ADGRB3: variants seen among roughly 807,000 people sequenced by gnomAD.
The protein encoded by ADGRB3 is adhesion G protein-coupled receptor B3, also known as brain-specific angiogenesis inhibitor 3.
Under a neutral mutation model 193.4 loss-of-function variants are expected in ADGRB3, and 37 were observed. The ratio of observed to expected loss-of-function variants is 0.19; its 90% confidence interval spans 0.15 to 0.25. The LOEUF (loss-of-function observed/expected upper bound fraction) is 0.25. Ranked by LOEUF, ADGRB3 falls within the 10% of genes least tolerant of loss-of-function variation. The probability of loss-of-function intolerance (pLI) is 1.00; values close to 1 mark genes in which losing one functional copy is unlikely to be tolerated. For synonymous variants in ADGRB3, 690 were observed against 644.2 expected (o/e 1.07, Z -1.08); for missense variants, 1,637 against 1,852.9 (o/e 0.88, Z 2.14).
At chr6:68,928,463 C>T (rs748089439) in intron 3 of ADGRB3, among the ~76,000 whole-genome samples, 1 of 152,036 alleles carries the variant, frequency 6.6e-6, no homozygotes, top group Non-Finnish European at 1.5e-5. Context: ...TGAGCCCAGG[C>T]GTTCAAGTTT....
chr6:68,696,695 C>T (rs1415145536), intron 3 of ADGRB3, among the ~76,000 whole-genome samples: 1 of 151,800 alleles, frequency 6.6e-6, no homozygotes, highest in Admixed American at 6.6e-5. Context: ...TAACTTGGCT[C>T]CAAATAGTTA....
At chr6:69,197,061 T>C (rs1231243804) in intron 17 of ADGRB3, among the ~76,000 whole-genome samples, 1 of 152,082 alleles carries the variant, frequency 6.6e-6, no homozygotes, top group Non-Finnish European at 1.5e-5. Context: ...TATCAATATG[T>C]ATATGTGTGG....
At chr6:69,286,113 TAAAG>T (rs1241377655) in intron 20 of ADGRB3, among the ~76,000 whole-genome samples, 1 of 152,146 alleles carries the variant, frequency 6.6e-6, no homozygotes, top group Non-Finnish European at 1.5e-5. Flanking sequence ...GAAGAGTAGA[TAAAG>T]AAGACAATTT....
chr6:69,254,537 G>C (rs1405137053), intron 20 of ADGRB3, among the ~76,000 whole-genome samples: 2 of 151,520 alleles, frequency 1.3e-5, no homozygotes, highest in African/African-American at 4.9e-5. Flanking sequence ...CTATCTTTAT[G>C]TTTTTTCTTT....
At chr6:69,105,224 T>C (rs1773174355) in intron 17 of ADGRB3, among the ~76,000 whole-genome samples, 1 of 152,204 alleles carries the variant, frequency 6.6e-6, no homozygotes, top group Non-Finnish European at 1.5e-5. Flanking sequence ...ACCATTATTG[T>C]ACCACCCTTC....
At chr6:68,882,152 A>G (rs989864073) in intron 3 of ADGRB3, among the ~76,000 whole-genome samples, 1 of 152,134 alleles carries the variant, frequency 6.6e-6, no homozygotes, top group Non-Finnish European at 1.5e-5. Flanking sequence ...CTTTTTCTAA[A>G]CCTGGGACAT....
intron 17 of ADGRB3, among the ~76,000 whole-genome samples, chr6:69,217,027 A>G (rs1354402785): frequency 6.6e-6 from 1 of 152,152 alleles, no homozygotes; most frequent in African/African-American, 2.4e-5. Context: ...AGGAGGCATG[A>G]TTCTTATTCT....
intron 17 of ADGRB3, among the ~76,000 whole-genome samples, chr6:69,167,703 A>T (rs1329181346): frequency 6.6e-6 from 1 of 152,166 alleles, no homozygotes; most frequent in Non-Finnish European, 1.5e-5. Context: ...TCCTGAAAAG[A>T]GTCCACAAAA....
chr6:69,268,587 G>A (rs917257907), intron 20 of ADGRB3, among the ~76,000 whole-genome samples: 18 of 152,082 alleles, frequency 1.2e-4, no homozygotes, highest in African/African-American at 3.9e-4. Flanking sequence ...GACATACTCT[G>A]GCCTGGGGGC....
chr6:68,890,885 A>G (rs1766055244), intron 3 of ADGRB3, among the ~76,000 whole-genome samples: 2 of 152,208 alleles, frequency 1.3e-5, no homozygotes, highest in South Asian at 4.1e-4. Flanking sequence ...GGCGAAAGAA[A>G]GATAGTATAA....
chr6:69,001,010 G>A (rs1252452907), intron 11 of ADGRB3, among the ~76,000 whole-genome samples: 1 of 152,006 alleles, frequency 6.6e-6, no homozygotes, highest in Non-Finnish European at 1.5e-5. Flanking sequence ...AAAAACATGA[G>A]CCTTGGCCTC....
chr6:68,834,206 A>C (rs1768006383), intron 3 of ADGRB3, among the ~76,000 whole-genome samples: 1 of 152,012 alleles, frequency 6.6e-6, no homozygotes, highest in Non-Finnish European at 1.5e-5. Context: ...AATACCCAAA[A>C]TCACATGACA....
intron 10 of ADGRB3, among the ~76,000 whole-genome samples, chr6:68,981,472 T>C (rs977007802): frequency 2.6e-5 from 4 of 151,726 alleles, no homozygotes; most frequent in African/African-American, 9.7e-5. Context: ...ATTTCAGAAG[T>C]TCCTAATGAG....
intron 17 of ADGRB3, among the ~76,000 whole-genome samples, chr6:69,137,340 A>G (rs1432586645): frequency 6.6e-6 from 1 of 151,904 alleles, no homozygotes; most frequent in Non-Finnish European, 1.5e-5. Flanking sequence ...AAAATGATAA[A>G]GTAAACCTAT....
intron 3 of ADGRB3, among the ~76,000 whole-genome samples, chr6:68,859,914 A>T (rs1308055425): frequency 4.6e-5 from 7 of 152,220 alleles, no homozygotes; most frequent in Non-Finnish European, 1.0e-4. Context: ...TATTAATAGA[A>T]ATGCAATTGA....
intron 3 of ADGRB3, among the ~76,000 whole-genome samples, chr6:68,710,248 T>C (rs2127315625): frequency 6.6e-6 from 1 of 152,138 alleles, no homozygotes; most frequent in East Asian, 1.9e-4. Flanking sequence ...CTGTAAGCCC[T>C]TTTTTTATCT....
intron 17 of ADGRB3, among the ~76,000 whole-genome samples, chr6:69,129,218 G>T (rs1053701659): frequency 2.6e-5 from 4 of 152,120 alleles, no homozygotes; most frequent in Admixed American, 6.6e-5. Flanking sequence ...CAATTAGTGT[G>T]TAAGGTAGCA....
chr6:68,771,368 G>A (rs1766613479), intron 3 of ADGRB3, among the ~76,000 whole-genome samples: 1 of 145,710 alleles, frequency 6.9e-6, no homozygotes, highest in Non-Finnish European at 1.5e-5. Flanking sequence ...ACCATGCTAT[G>A]TGTGCTAGGG....
chr6:68,649,130 A>G (rs576176268), intron 3 of ADGRB3, among the ~76,000 whole-genome samples: 82 of 152,288 alleles, frequency 5.4e-4, no homozygotes, highest in African/African-American at 1.9e-3. Context: ...TCAAATGAAA[A>G]GCTAAAGAAT....
Sources: gnomAD v4.1 joint callset for allele counts (sites outside exome capture counted in the v4.1 genomes callset) on GRCh38, gnomAD v4.1.1 for gene constraint, MANE v1.5 for transcripts, NCBI Gene and HGNC (gene_info 2026-07-23, HGNC 2026-07-21) for gene names.